The following ASTE1 variants were observed in gnomAD, a reference collection of about 807,000 sequenced individuals.
The protein encoded by ASTE1 is asteroid structure-specific endonuclease 1.
In ASTE1, 49 loss-of-function variants were observed where a neutral mutation model predicts 45.8. The observed-to-expected ratio is 1.07, with a 90% CI of 0.85 to 1.36. ASTE1 has a LOEUF of 1.36. ASTE1 is among the 40% of genes most tolerant of loss of function. ASTE1 has a pLI of 0.00. For synonymous variants in ASTE1, 296 were observed against 303.9 expected (o/e 0.97, Z 0.27); for missense variants, 709 against 804.0 (o/e 0.88, Z 1.43).
chr3:131,022,034 G>A (rs1471726976), intron 3 of ASTE1, among the ~76,000 whole-genome samples: 1 of 152,170 alleles, frequency 6.6e-6, no homozygotes, highest in Non-Finnish European at 1.5e-5. Context: ...GCTAAAGGTA[G>A]ATTGTCAGTT....
At chr3:131,014,676 A>G (rs1487990893) in intron 5 of ASTE1, among the ~76,000 whole-genome samples, 1 of 152,216 alleles carries the variant, frequency 6.6e-6, no homozygotes, top group African/African-American at 2.4e-5. Context: ...TTTAACAAAC[A>G]CTTTAATTTT....
In ASTE1 at chr3:131,024,741, G is replaced by T; in HGVS notation, c.566C>A (p.Thr189Lys). The T allele has an allele frequency of 6.2e-7, 1 of 1,611,818 alleles. No homozygotes were observed. Among genetic ancestry groups the T allele is most frequent in the Middle Eastern group, 1.7e-4 (1 of 6,048 alleles). Residue 189 changes from threonine to lysine, a missense_variant, in exon 3 of 6, where the codon ACA (threonine) becomes AAA (lysine). Coordinates refer to ENST00000264992, the MANE Select transcript of ASTE1 (RefSeq NM_014065.4). ...QWRNMNTIKG[T>K]QNYIPAKCFS... ...GCATTTGGCAGGGATATAGTTTTGT[G>T]TGCCCTTAATAGTGTTCATATTTCT...
chr3:131,018,714 G>C lies in ASTE1; in HGVS notation c.1305C>G (p.Leu435=). The C allele has an allele frequency of 1.2e-6, 2 of 1,613,758 alleles. No individual in the cohort carries two copies. The highest frequency in any genetic ancestry group is 1.7e-4 in the Middle Eastern group (1 of 5,900). ...DHSDLSRLTE[L]SLRRRQMLLL... The stretch of plus-strand genomic sequence containing the variant: ...GAAGCATCTGCCGCCTCCTCAAGGA[G>C]AGCTGAAAATACACACCAAGTATCC... The change falls in exon 4 of 6, where the codon CTC becomes CTG. Residue 435 remains leucine (L), a splice_region_variant and synonymous_variant. Transcript: ENST00000264992.
chr3:131,025,288 T>TGGG lies in ASTE1; in HGVS notation c.18_19insCCC (p.Leu6_Met7insPro), dbSNP rs1266522429. On this transcript the variant is annotated inframe_insertion, in exon 3 of 6. Coordinates refer to ENST00000264992, the MANE Select transcript of ASTE1 (RefSeq NM_014065.4). Reference sequence around the variant, plus strand: ...TTACTATGATCTTCCACAAAACTCATTAGTCCTCGGATACCCATGATGACA... The same window carrying TGGG: ...TTACTATGATCTTCCACAAAACTCATGGGTAGTCCTCGGATACCCATGATGACA... 1 of 1,613,324 alleles carries TGGG rather than the reference T, an allele frequency of 6.2e-7. No homozygotes were observed. Among genetic ancestry groups the TGGG allele is most frequent in the East Asian group, 2.2e-5 (1 of 44,858 alleles).
At position 131,024,805 on chromosome 3, in the gene ASTE1, G is replaced by C. The variant is rs1430637991; in HGVS notation, c.502C>G (p.Leu168Val). 1.2e-6 allele frequency: 2 copies of C among 1,613,988 alleles called. No homozygotes were observed. The highest frequency in any genetic ancestry group is 1.3e-5 in the African/African-American group (1 of 74,880). Reference sequence around the variant, plus strand: ...TTCAATGGGCAAAACCCAGTTTTCAGGTCAAAAATGCAAAAGTCACTATCT... The same window carrying C: ...TTCAATGGGCAAAACCCAGTTTTCACGTCAAAAATGCAAAAGTCACTATCT... Reference protein sequence around the residue: ...SSDSDFCIFDLKTGFCPLNSF... With the variant: ...SSDSDFCIFDVKTGFCPLNSF... The change falls in exon 3 of 6, where the codon CTG becomes GTG. Residue 168 changes from leucine (L) to valine (V), a missense_variant. Leu to Val is a conservative substitution (Grantham distance 32). Coordinates refer to ENST00000264992, the MANE Select transcript of ASTE1 (RefSeq NM_014065.4).
At chr3:131,021,407 A>G (rs2063740934) in intron 3 of ASTE1, among the ~76,000 whole-genome samples, 2 of 152,264 alleles carry the variant, frequency 1.3e-5, no homozygotes, top group South Asian at 2.1e-4. Context: ...TGAATGATCA[A>G]CTACTCACAG....
intron 3 of ASTE1, among the ~76,000 whole-genome samples, chr3:131,019,142 A>G: frequency 6.6e-6 from 1 of 152,238 alleles, no homozygotes; most frequent in Non-Finnish European, 1.5e-5. Flanking sequence ...TGTATACTCA[A>G]CACCACCTGT....
rs762465326 is a variant in ASTE1, at chr3:131,025,033, A to C, written c.274T>G (p.Leu92Val). The C allele has an allele frequency of 1.9e-6, 3 of 1,603,402 alleles. No individual in the cohort carries two copies. The highest frequency in any genetic ancestry group is 3.4e-5 in the Admixed American group (2 of 58,934). Reference sequence around the variant, plus strand: ...ATCTTCTCTCTAGCTCTATCCTTTAAAGTTGTAAGCTTTTTATCTGAAATG... The same window carrying C: ...ATCTTCTCTCTAGCTCTATCCTTTACAGTTGTAAGCTTTTTATCTGAAATG... The part of the protein sequence containing the change: ...CDISDKKLTT[L>V]KDRAREKIQM... The change falls in exon 3 of 6, where the codon TTA becomes GTA. Residue 92 changes from leucine to valine, a missense_variant. Physicochemically the swap from Leu to Val is conservative, Grantham distance 32 (BLOSUM62 1). Coordinates refer to ENST00000264992, the MANE Select transcript of ASTE1 (RefSeq NM_014065.4).
chr3:131,023,570 C>A (rs1220398882), intron 3 of ASTE1, among the ~76,000 whole-genome samples: 1 of 152,126 alleles, frequency 6.6e-6, no homozygotes, highest in Admixed American at 6.6e-5. Context: ...ACCTTAGCAT[C>A]AGTACTAACC....
intron 3 of ASTE1, among the ~76,000 whole-genome samples, chr3:131,023,272 A>G (rs1344278833): frequency 6.6e-6 from 1 of 151,986 alleles, no homozygotes; most frequent in African/African-American, 2.4e-5. Flanking sequence ...GGGCATTGCA[A>G]TTGTTTTTTT....
In ASTE1 at chr3:131,024,381, A is replaced by G; in HGVS notation, c.926T>C (p.Phe309Ser). ...YQQSQVKLQD[F>S]FQCGTYVCPD... ...ACAGACATAAGTACCACACTGGAAG[A>G]AGTCCTGTAGCTTCACCTGGGACTG... The change falls in exon 3 of 6, where the codon TTC becomes TCC. Residue 309 changes from phenylalanine to serine, a missense_variant. By Grantham distance (155) the Phe-to-Ser change is radical (BLOSUM62 -2). Transcript: ENST00000264992. The G allele has an allele frequency of 3.1e-6, 5 of 1,614,246 alleles. No homozygotes were observed. The highest frequency in any genetic ancestry group is 4.2e-6 in the Non-Finnish European group (5 of 1,180,046).
chr3:131,023,341 C>G (rs2063767541), intron 3 of ASTE1, among the ~76,000 whole-genome samples: 1 of 151,750 alleles, frequency 6.6e-6, no homozygotes, highest in East Asian at 1.9e-4. Flanking sequence ...AGTTTCATAT[C>G]TATTTGTAAT....
Position 131,024,750 on chromosome 3 carries a change from A to G in ASTE1, c.557T>C (p.Ile186Thr), listed in dbSNP as rs1364988463. ...NSFQWRNMNT[I>T]KGTQNYIPAK... The stretch of plus-strand genomic sequence containing the variant: ...AGGGATATAGTTTTGTGTGCCCTTA[A>G]TAGTGTTCATATTTCTCCACTGAAA... Residue 186 changes from isoleucine (I) to threonine (T), a missense_variant, in exon 3 of 6, where the codon ATT becomes ACT. Coordinates refer to ENST00000264992, the MANE Select transcript of ASTE1 (RefSeq NM_014065.4). 1 of 1,613,624 alleles carries G rather than the reference A, an allele frequency of 6.2e-7. No homozygotes were observed. The highest frequency in any genetic ancestry group is 8.5e-7 in the Non-Finnish European group (1 of 1,179,686).
chr3:131,018,846 G>T, intron 3 of ASTE1, 130 bp from the exon 4 acceptor site: 1 of 900,680 alleles, frequency 1.1e-6, no homozygotes, highest in Non-Finnish European at 1.7e-6. Flanking sequence ...CTTCTTGTGG[G>T]AAAAAAAATC....
chr3:131,023,955 T>C (rs2063774558), intron 3 of ASTE1, 50 bp downstream of exon 3: 1 of 1,500,988 alleles, frequency 6.7e-7, no homozygotes, highest in African/African-American at 1.4e-5. Context: ...CAGCACTTTG[T>C]ATCCTGTAAA....
rs183703248 is a variant in ASTE1, at chr3:131,019,705, T to C, written c.1303-989A>G. Among the ~76,000 whole-genome samples the C allele has an allele frequency of 1.1e-4, 16 of 152,310 alleles. 1 individual carries two copies. Among genetic ancestry groups the C allele is most frequent in the Admixed American group, 8.5e-4 (13 of 15,296 alleles). Reference sequence around the variant, plus strand: ...GCTTTCTGGAAAGTTGAGATGGTAATAACATTTCTCAGCATGTAACATCTA... The same window carrying C: ...GCTTTCTGGAAAGTTGAGATGGTAACAACATTTCTCAGCATGTAACATCTA... On this transcript the variant is annotated intron_variant, in intron 3 of 5. Transcript: ENST00000264992.
At position 131,024,229 on chromosome 3, in the gene ASTE1, T is replaced by C; in HGVS notation, c.1078A>G (p.Met360Val). 1 of 1,614,232 alleles carries C rather than the reference T, an allele frequency of 6.2e-7. No homozygotes were observed. Among genetic ancestry groups the C allele is most frequent in the Non-Finnish European group, 8.5e-7 (1 of 1,180,026 alleles). ...ATTCTGTGGGCATTTGGTTGCTGCA[T>C]GTTTTCCACCTGTGTGGGAAGAATG... ...RTILPTQVEN[M>V]QQPNAHRISQ... Residue 360 changes from methionine to valine, a missense_variant, in exon 3 of 6, where the codon ATG becomes GTG. Physicochemically the swap from Met to Val is conservative, Grantham distance 21. Transcript: ENST00000264992.
Position 131,014,038 on chromosome 3 carries a change from G to T in ASTE1, c.*19C>A. On this transcript the variant is annotated 3_prime_UTR_variant, in exon 6 of 6. Coordinates refer to ENST00000264992, the MANE Select transcript of ASTE1 (RefSeq NM_014065.4). ...GTAAGGATTATATTAAATACATCTA[G>T]TTTGATGCAAACTGAGTTTTATTCA... The T allele has an allele frequency of 6.6e-7, 1 of 1,507,892 alleles. No individual in the cohort carries two copies. The highest frequency in any genetic ancestry group is 9.0e-7 in the Non-Finnish European group (1 of 1,116,726). 93.4% of individuals were successfully genotyped at this position (1,507,892 alleles called of 1,614,324 possible).
chr3:131,018,787 C>G (rs983824014), intron 3 of ASTE1, 71 bp from the exon 4 acceptor site: 6 of 1,494,082 alleles, frequency 4.0e-6, no homozygotes, highest in Non-Finnish European at 5.5e-6. Flanking sequence ...TCCACCATAG[C>G]ATGAAGAGAT....
Sources: allele counts gnomAD v4.1 joint callset (sites outside exome capture counted in the v4.1 genomes callset), GRCh38; gene constraint gnomAD v4.1.1; transcripts MANE v1.5; gene names NCBI Gene and HGNC (gene_info 2026-07-23, HGNC 2026-07-21).